Variants in DUOX2 observed in about 807,000 individuals in gnomAD.
DUOX2 encodes the protein dual oxidase 2, also known as NADH/NADPH thyroid oxidase p138-tox.
In DUOX2, 185 loss-of-function variants were observed where a neutral mutation model predicts 183.3. The observed-to-expected ratio is 1.01, with a 90% CI of 0.90 to 1.14. The LOEUF (loss-of-function observed/expected upper bound fraction) is 1.14. DUOX2 is among the 50% of genes most tolerant of loss of function. DUOX2 has a pLI of 0.00. For synonymous variants in DUOX2, 788 were observed against 812.4 expected, an observed-to-expected ratio of 0.97 and a Z score of 0.51; for missense variants, 1,999 against 2,022.9, an observed-to-expected ratio of 0.99 and a Z score of 0.23.
At chr15:45,108,992 T>C (rs749354981) in intron 11 of DUOX2, 40 bp from the exon 12 acceptor site, 10 of 1,612,580 alleles carry the variant, frequency 6.2e-6, no homozygotes, top group African/African-American at 1.3e-5. Context: ...CTTTGTCCTC[T>C]CCATCCTTTT....
At chr15:45,107,298 C>A in intron 14 of DUOX2, 47 bp downstream of exon 14, 1 of 1,607,384 alleles carries the variant, frequency 6.2e-7, no homozygotes, top group South Asian at 1.1e-5. Flanking sequence ...CAATCTTGAT[C>A]CTTCTCTGGC....
chr15:45,101,211 C>T lies in DUOX2; in HGVS notation c.2915G>A (p.Gly972Glu), dbSNP rs774685584. 1 of 1,613,682 alleles carries T rather than the reference C, an allele frequency of 6.2e-7. No individual in the cohort carries two copies. Among genetic ancestry groups the T allele is most frequent in the Non-Finnish European group, 8.5e-7 (1 of 1,179,868 alleles). The change falls in exon 22 of 34, where the codon GGG becomes GAG. Residue 972 changes from glycine to glutamate, a missense_variant. Coordinates refer to ENST00000389039, the MANE Select transcript of DUOX2 (RefSeq NM_001363711.2). ...CRVSFITRTP[G>E]ERSHPQGLGP... Reference sequence around the variant, plus strand: ...GAGCCCCATTCCTGCTCACCGCTCCCCAGGTGTCCGAGTGATGAACGAGAC... The same window carrying T: ...GAGCCCCATTCCTGCTCACCGCTCCTCAGGTGTCCGAGTGATGAACGAGAC...
intron 3 of DUOX2, 116 bp from the exon 4 acceptor site, chr15:45,112,834 A>G: frequency 6.4e-7 from 1 of 1,564,870 alleles, no homozygotes; most frequent in Admixed American, 1.7e-5. Context: ...CCTTCCCTCA[A>G]GGGTCTCTTG....
intron 14 of DUOX2, 91 bp downstream of exon 14, chr15:45,107,254 C>T: frequency 6.5e-7 from 1 of 1,527,436 alleles, no homozygotes; most frequent in Admixed American, 1.7e-5. Flanking sequence ...GTGCCTGGCT[C>T]CCTGGACAGC....
In DUOX2 at chr15:45,095,523, C is replaced by G. The variant is rs1555412472; in HGVS notation, c.4153G>C (p.Gly1385Arg). The G allele has an allele frequency of 6.2e-7, 1 of 1,614,224 alleles. No homozygotes were observed. The highest frequency in any genetic ancestry group is 1.3e-5 in the African/African-American group (1 of 75,054). Residue 1385 changes from glycine to arginine, a missense_variant, in exon 31 of 34, where the codon GGG becomes CGG. By Grantham distance (125) the Gly-to-Arg change is moderately radical (BLOSUM62 -2). Around this residue, in one of 3 missense-constraint regions of DUOX2, gnomAD observed 1,628 missense variants for 1,608.6 expected, o/e 1.01. Coordinates refer to ENST00000389039, the MANE Select transcript of DUOX2 (RefSeq NM_001363711.2). Reference protein sequence around the residue: ...HKFEVSVLVGGGIGVTPFASI... With the variant: ...HKFEVSVLVGRGIGVTPFASI... The stretch of plus-strand genomic sequence containing the variant: ...GCAAAGGGGGTGACCCCAATGCCCC[C>G]TCCCACCAACACTGACACCTCAAAT...
chr15:45,095,400 C>T (rs1893874029), intron 31 of DUOX2, 37 bp downstream of exon 31: 10 of 1,613,806 alleles, frequency 6.2e-6, no homozygotes, highest in Non-Finnish European at 8.5e-6. Flanking sequence ...ATTCGGCCAC[C>T]TATGCCCCAT....
rs772839042 is a variant in DUOX2, at chr15:45,111,448, G to A, written c.651C>T (p.Asn217=). The A allele has an allele frequency of 2.6e-6, 4 of 1,545,750 alleles. No homozygotes were observed. Among genetic ancestry groups the A allele is most frequent in the Non-Finnish European group, 3.5e-6 (4 of 1,148,156 alleles). ...PDPAFPRDSQ[N]PLLMWAAPDP... is the part of the protein sequence containing the mutation. The stretch of plus-strand genomic sequence containing the variant: ...CGGGCGCCGCCCACATGAGCAGGGG[G>A]TTCTGCGAGTCTCGGGGGAAAGCGG... The change falls in exon 6 of 34, where the codon AAC becomes AAT. Residue 217 remains asparagine, a synonymous_variant. Transcript: ENST00000389039.
rs769605933 is a variant in DUOX2 at position 45,106,946 on chromosome 15, G to A, written c.1717C>T (p.Gln573Ter). ...HKGAPCPQPK[Q>*]LTTDGLPQCA... ...TGGGGCAGGCCGTCAGTTGTGAGCT[G>A]CTTAGGTTGAGGGCAGGGTGCACCT... is the stretch of plus-strand genomic sequence containing the variant. Residue 573 changes from glutamine (Q) to a stop codon, truncating the protein, a stop_gained, in exon 15 of 34, where the codon CAG (glutamine) becomes TAG (stop). Transcript: ENST00000389039. LOFTEE classifies it high-confidence loss of function. The A allele has an allele frequency of 3.2e-6, 5 of 1,578,828 alleles. No homozygotes were observed. In the African/African-American group the frequency reaches 5.4e-5, roughly 17 times the overall value.
chr15:45,107,431 C>A lies in DUOX2; in HGVS notation c.1607G>T (p.Arg536Leu). The A allele has an allele frequency of 2.5e-6, 4 of 1,614,176 alleles. No individual in the cohort carries two copies. Among genetic ancestry groups the A allele is most frequent in the Non-Finnish European group, 2.5e-6 (3 of 1,180,042 alleles). Residue 536 changes from arginine to leucine, a missense_variant, in exon 14 of 34, where the codon CGA becomes CTA. By Grantham distance (102) the Arg-to-Leu change is moderately radical. Coordinates refer to ENST00000389039, the MANE Select transcript of DUOX2 (RefSeq NM_001363711.2). ...CAGCACGTCCCGCAGGGTGGTATTT[C>A]GGATGTCTTCAATCTCCTTCTTGGA... ...LFSKKEIEDI[R>L]NTTLRDVLVA...
rs1894490533 is a variant in DUOX2, at chr15:45,113,014, G to C, written c.133C>G (p.Leu45Val). The C allele has an allele frequency of 1.2e-6, 2 of 1,613,828 alleles. No individual in the cohort carries two copies. Among genetic ancestry groups the C allele is most frequent in the Non-Finnish European group, 1.7e-6 (2 of 1,179,984 alleles). Residue 45 changes from leucine (L) to valine (V), a missense_variant, in exon 3 of 34, where the codon CTG becomes GTG. Around this residue, in one of 3 missense-constraint regions of DUOX2, gnomAD observed 356 missense variants for 356.4 expected, o/e 1.00. Transcript: ENST00000389039. Reference protein sequence around the residue: ...VQRYDGWFNNLRHHERGAVGC... With the variant: ...VQRYDGWFNNVRHHERGAVGC... ...ACAGCACCACGCTCGTGGTGCCTCA[G>C]GTTGTTAAACCAGCCGTCATAGCGC... is the stretch of plus-strand genomic sequence containing the variant.
In DUOX2 at chr15:45,101,117, C is replaced by T. The variant is rs1461391771; in HGVS notation, c.2921+88G>A. On this transcript the variant is annotated intron_variant, in intron 22 of 33. Coordinates refer to ENST00000389039, the MANE Select transcript of DUOX2 (RefSeq NM_001363711.2). ...TTCAAAGGGCAAATGCCTGATTTTACCAGGGGCTGATCAGCCAGTCCTACT... is the reference window on the plus strand; with the variant it reads ...TTCAAAGGGCAAATGCCTGATTTTATCAGGGGCTGATCAGCCAGTCCTACT... 3 of 1,235,850 alleles carry T rather than the reference C, an allele frequency of 2.4e-6. No homozygotes were observed. In the East Asian group the frequency reaches 7.3e-5, roughly 30 times the overall value. The allele number at this position is 1,235,850 out of a possible 1,614,324, so 76.6% of individuals were successfully genotyped here. A position where few individuals can be genotyped will look rare whatever the true frequency, so the allele number is the denominator to read the frequency against.
rs1894324527 is a variant in DUOX2, at chr15:45,109,642, G to T, written c.1132-16C>A. ...GATTGGGGTTCTGGAAGTAAACAAT[G>T]CACTCAAGATAGGCCTCTACCCAAA... On this transcript the variant is annotated splice_polypyrimidine_tract_variant and intron_variant, in intron 10 of 33. Transcript: ENST00000389039. 1 of 1,612,742 alleles carries T rather than the reference G, an allele frequency of 6.2e-7. No homozygotes were observed. The highest frequency in any genetic ancestry group is 8.5e-7 in the Non-Finnish European group (1 of 1,178,876).
At chr15:45,110,606 C>T (rs1894359261) in intron 8 of DUOX2, 44 bp downstream of exon 8, 2 of 1,613,706 alleles carry the variant, frequency 1.2e-6, no homozygotes, top group African/African-American at 1.3e-5. Context: ...TCTCCTTCCC[C>T]TCAGGATTCT....
intron 11 of DUOX2, 84 bp downstream of exon 11, chr15:45,109,440 C>T (rs1014721045): frequency 1.7e-6 from 2 of 1,175,404 alleles, no homozygotes; most frequent in African/African-American, 1.5e-5. Context: ...ATCGTGAGCG[C>T]CCTAGGTCTG....
At chr15:45,107,017 G>A in intron 14 of DUOX2, 48 bp from the exon 15 acceptor site, 3 of 1,556,832 alleles carry the variant, frequency 1.9e-6, no homozygotes, top group Non-Finnish European at 2.6e-6. Flanking sequence ...ATCCCGCTAT[G>A]TGGCCAGACC....
intron 22 of DUOX2, 59 bp from the exon 23 acceptor site, chr15:45,100,897 C>A (rs1278514552): frequency 2.4e-6 from 3 of 1,256,094 alleles, no homozygotes; most frequent in Non-Finnish European, 3.5e-6. Flanking sequence ...GAACAACTCC[C>A]TGGGCAGAGC....
rs748329102 is a variant in DUOX2, at chr15:45,106,519, C to A, written c.1945+9G>T. 6.2e-7 allele frequency: 1 copy of A among 1,613,878 alleles called. No individual in the cohort carries two copies. The highest frequency in any genetic ancestry group is 8.5e-7 in the Non-Finnish European group (1 of 1,179,806). On this transcript the variant is annotated intron_variant, in intron 16 of 33. Transcript: ENST00000389039. ...TCCCTCCTCCCTCCTCTGCCCAGCC[C>A]CTGCTCACCTGGCACTCCATCTTTG...
chr15:45,105,535 C>T (rs1894187449), intron 18 of DUOX2, 108 bp downstream of exon 18: 1 of 1,380,298 alleles, frequency 7.2e-7, no homozygotes, highest in Non-Finnish European at 1.0e-6. Context: ...TATTTCTCTC[C>T]AGGCCATAGA....
In DUOX2 at chr15:45,096,022, C is replaced by G. The variant is rs367742457; in HGVS notation, c.3886G>C (p.Glu1296Gln). ...CGCACCCACTGTCCTGACTTGTACTCAAAGCCTTGGGGCCTCTGGAATTGC... is the reference window on the plus strand; with the variant it reads ...CGCACCCACTGTCCTGACTTGTACTGAAAGCCTTGGGGCCTCTGGAATTGC... ...YLQFQRPQGF[E>Q]YKSGQWVRIA... The change falls in exon 30 of 34, where the codon GAG (glutamate) becomes CAG (glutamine). Residue 1296 changes from glutamate (E) to glutamine (Q), a missense_variant. Transcript: ENST00000389039. 1.2e-6 allele frequency: 2 copies of G among 1,614,018 alleles called. No homozygotes were observed. The highest frequency in any genetic ancestry group is 1.7e-6 in the Non-Finnish European group (2 of 1,180,018).
Sources: allele counts gnomAD v4.1 joint callset, GRCh38; gene constraint gnomAD v4.1.1; regional missense constraint gnomAD v4.1.1; transcripts MANE v1.5; gene names NCBI Gene and HGNC (gene_info 2026-07-23, HGNC 2026-07-21).